MYO3B: variants seen among roughly 807,000 people sequenced by gnomAD.
The protein encoded by MYO3B is myosin IIIB.
In MYO3B, 156 loss-of-function variants were observed where a neutral mutation model predicts 174.6. That is an observed-to-expected ratio of 0.89 (90% CI 0.78 to 1.02). MYO3B has a LOEUF of 1.02. MYO3B is among the 50% of genes least tolerant of loss of function. The probability of loss-of-function intolerance (pLI) is 0.00; values close to 1 mark genes in which losing one functional copy is unlikely to be tolerated. For missense variants in MYO3B, 1,632 were observed against 1,639.4 expected (o/e 1.00, Z 0.08); for synonymous variants, 563 against 569.1 (o/e 0.99, Z 0.15).
rs140070671 is a variant in MYO3B, at chr2:170,428,753, C to T, written c.2651-15214C>T. Among the ~76,000 whole-genome samples, 641 of 152,226 alleles carry T rather than the reference C, an allele frequency of 4.2e-3. 3 individuals carry two copies. The highest frequency in any genetic ancestry group is 0.015 in the African/African-American group (626 of 41,536). On this transcript the variant is annotated intron_variant, in intron 22 of 34. Transcript: ENST00000408978. ...ATTGATCTAGGTGAAGCTACATAGC[C>T]ACAAAGGGTGTTCATTATGGACACC...
At chr2:170,554,875 A>G (rs184555146) in intron 32 of MYO3B, among the ~76,000 whole-genome samples, 1 of 152,340 alleles carries the variant, frequency 6.6e-6, no homozygotes, top group East Asian at 1.9e-4. Flanking sequence ...ATGTGCCTAG[A>G]GAAAATTTAT....
intron 32 of MYO3B, among the ~76,000 whole-genome samples, chr2:170,548,703 C>A (rs1427788204): frequency 1.3e-5 from 2 of 152,186 alleles, no homozygotes; most frequent in East Asian, 3.8e-4. Flanking sequence ...AAACACAATT[C>A]TCCTTATTCT....
intron 30 of MYO3B, among the ~76,000 whole-genome samples, chr2:170,540,368 A>G (rs1273747239): frequency 2.0e-5 from 3 of 152,280 alleles, no homozygotes; most frequent in East Asian, 3.9e-4. Flanking sequence ...AGTATGTAAC[A>G]TGCTTTGCCT....
chr2:170,214,263 T>G (rs550444036), intron 3 of MYO3B, 116 bp from the exon 4 acceptor site: 1 of 726,080 alleles, frequency 1.4e-6, no homozygotes, highest in Admixed American at 2.9e-5. Context: ...TGGAGTTTTG[T>G]AATCTGCAAA....
At chr2:170,411,574 C>A (rs1028980742) in intron 22 of MYO3B, 4 of 152,136 alleles carry the variant, frequency 2.6e-5, no homozygotes, top group African/African-American at 9.7e-5. Flanking sequence ...ATGTACATGG[C>A]GCATGACACT....
At chr2:170,434,676 T>G (rs1022783068) in intron 22 of MYO3B, among the ~76,000 whole-genome samples, 6 of 152,124 alleles carry the variant, frequency 3.9e-5, no homozygotes, top group African/African-American at 1.4e-4. Flanking sequence ...AAAGGTTGCT[T>G]TACGAGGAAG....
intron 32 of MYO3B, among the ~76,000 whole-genome samples, chr2:170,567,004 C>T (rs577616570): frequency 1.3e-5 from 2 of 152,108 alleles, no homozygotes; most frequent in East Asian, 1.9e-4. Flanking sequence ...TTAATATTGT[C>T]GTATTTTAAA....
At chr2:170,426,104 G>T (rs1283271455) in intron 22 of MYO3B, among the ~76,000 whole-genome samples, 2 of 149,246 alleles carry the variant, frequency 1.3e-5, no homozygotes, top group African/African-American at 2.5e-5. Context: ...CAATAAAGCA[G>T]TAGATAACAT....
At position 170,466,566 on chromosome 2, in the gene MYO3B, A is replaced by G; in HGVS notation, c.2869A>G (p.Ile957Val). 6.2e-7 allele frequency: 1 copy of G among 1,614,190 alleles called. No homozygotes were observed. The highest frequency in any genetic ancestry group is 8.5e-7 in the Non-Finnish European group (1 of 1,180,026). The stretch of plus-strand genomic sequence containing the variant: ...TGGACAGCCCCACTTTGTGCGCTGC[A>G]TTAAACCCAATGATGACCGAGAGGC... ...VVGQPHFVRCIKPNDDREALQ... is the reference protein window; with the variant it reads ...VVGQPHFVRCVKPNDDREALQ... The change falls in exon 25 of 35, where the codon ATT becomes GTT. Residue 957 changes from isoleucine (I) to valine (V), a missense_variant. Ile to Val is a conservative substitution (Grantham distance 29). Transcript: ENST00000408978.
At chr2:170,260,512 A>G (rs1363580490) in intron 7 of MYO3B, among the ~76,000 whole-genome samples, 5 of 152,242 alleles carry the variant, frequency 3.3e-5, no homozygotes, top group African/African-American at 7.2e-5. Flanking sequence ...TTGGGTACAC[A>G]CAGACATAAA....
rs1341239251 is a variant in MYO3B at position 170,387,103 on chromosome 2, C to A, written c.1375-3C>A. On this transcript the variant is annotated splice_region_variant and splice_polypyrimidine_tract_variant and intron_variant, in intron 13 of 34. Transcript: ENST00000408978. Reference sequence around the variant, plus strand: ...CTTCTTGACCGTTCTCTGTTTGGCACAGGCCAATAATCAGACCTTGAGAGA... The same window carrying A: ...CTTCTTGACCGTTCTCTGTTTGGCAAAGGCCAATAATCAGACCTTGAGAGA... 2.5e-6 allele frequency: 4 copies of A among 1,613,714 alleles called. No homozygotes were observed. In the African/African-American group the frequency reaches 5.3e-5, roughly 22 times the overall value.
Position 170,522,080 on chromosome 2 carries a change from G to A in MYO3B, c.3575+2540G>A, listed in dbSNP as rs777990935. Among the ~76,000 whole-genome samples, 6 of 151,854 alleles carry A rather than the reference G, an allele frequency of 4.0e-5. No individual in the cohort carries two copies. In the South Asian group the frequency reaches 6.3e-4, roughly 16 times the overall value. On this transcript the variant is annotated intron_variant, in intron 30 of 34. Coordinates refer to ENST00000408978, the MANE Select transcript of MYO3B (RefSeq NM_138995.5). ...TCTGGTTCCATTCTTCTTCTCTTCC[G>A]CTTACCATTAAAATAAAGGCAATTC...
chr2:170,410,847 G>T (rs575589957), intron 22 of MYO3B, among the ~76,000 whole-genome samples: 3 of 151,754 alleles, frequency 2.0e-5, no homozygotes, highest in South Asian at 4.2e-4. Flanking sequence ...GTAATGTTGG[G>T]TTTTTTTCTC....
At chr2:170,509,056 T>C (rs965264452) in intron 28 of MYO3B, among the ~76,000 whole-genome samples, 3 of 152,092 alleles carry the variant, frequency 2.0e-5, no homozygotes, top group African/African-American at 7.2e-5. Context: ...ATGGAGGACA[T>C]AATAATGCTG....
intron 32 of MYO3B, among the ~76,000 whole-genome samples, chr2:170,557,144 T>TTA (rs147290339): frequency 0.17 from 24,370 of 147,588 alleles, 2,737 homozygotes; most frequent in African/African-American, 0.3. Flanking sequence ...TTATTTTTAT[T>TTA]TTTATTTTTT....
intron 23 of MYO3B, among the ~76,000 whole-genome samples, chr2:170,448,891 C>T (rs539216132): frequency 6.6e-6 from 1 of 151,904 alleles, no homozygotes; most frequent in African/African-American, 2.4e-5. Context: ...AATTTTAGCC[C>T]TATTATGCTT....
intron 30 of MYO3B, among the ~76,000 whole-genome samples, chr2:170,542,059 A>G (rs946038927): frequency 6.6e-5 from 10 of 152,084 alleles, no homozygotes; most frequent in African/African-American, 2.4e-4. Flanking sequence ...GAGGAAAACT[A>G]GGACCCCGAA....
intron 7 of MYO3B, chr2:170,334,573 C>T (rs1379651625): frequency 1.3e-5 from 2 of 152,020 alleles, no homozygotes; most frequent in African/African-American, 4.8e-5. Context: ...CTTGAGTTGC[C>T]GACAAGCCCT....
chr2:170,266,896 C>T (rs2093387945), intron 7 of MYO3B, among the ~76,000 whole-genome samples: 1 of 152,172 alleles, frequency 6.6e-6, no homozygotes, highest in Non-Finnish European at 1.5e-5. Flanking sequence ...AGAAGGGAAA[C>T]TGGTATATAG....
Sources: allele counts gnomAD v4.1 joint callset (sites outside exome capture counted in the v4.1 genomes callset), GRCh38; gene constraint gnomAD v4.1.1; transcripts MANE v1.5; gene names NCBI Gene and HGNC (gene_info 2026-07-23, HGNC 2026-07-21).